Variants in NTN1 observed in about 807,000 individuals in gnomAD.
NTN1 encodes netrin-1.
NTN1 carries 11 observed loss-of-function variants against 54.2 expected under a neutral mutation model. The observed-to-expected ratio is 0.20, with a 90% CI of 0.13 to 0.34. NTN1 has a LOEUF of 0.34. Ranked by LOEUF, NTN1 falls within the 10% of genes least tolerant of loss-of-function variation. The pLI is 1.00. For missense variants in NTN1, 740 were observed against 893.1 expected (o/e 0.83, Z 2.18); for synonymous variants, 371 against 382.0 (o/e 0.97, Z 0.33).
chr17:9,238,264 G>A (rs1906061535), intron 6 of NTN1, among the ~76,000 whole-genome samples: 1 of 152,190 alleles, frequency 6.6e-6, no homozygotes. Flanking sequence ...TGTGGCTGCT[G>A]AAGCCACAGA....
chr17:9,195,192 A>ACCGCCCTC (rs3031881), intron 5 of NTN1, among the ~76,000 whole-genome samples: 30 of 142,520 alleles, frequency 2.1e-4, no homozygotes, highest in African/African-American at 7.6e-4. Flanking sequence ...GGCGAGCTCT[A>ACCGCCCTC]CCACCCCTCC....
Position 9,241,473 on chromosome 17 carries a change from C to G in NTN1, c.*1505C>G, listed in dbSNP as rs1046210026. 6.5e-6 allele frequency: 1 copy of G among 153,206 alleles called. No homozygotes were observed. The highest frequency in any genetic ancestry group is 2.4e-5 in the African/African-American group (1 of 41,466). 9.5% of individuals were successfully genotyped at this position (153,206 alleles called of 1,614,324 possible). A position where few individuals can be genotyped will look rare whatever the true frequency, so the allele number is the denominator to read the frequency against. On this transcript the variant is annotated 3_prime_UTR_variant, in exon 7 of 7. Transcript: ENST00000173229. ...CTGGCTCCCTGCCTTCCTGGGCTCTCTGCACTGCCCGGGCCTCTGGCCCAC... is the reference window on the plus strand; with the variant it reads ...CTGGCTCCCTGCCTTCCTGGGCTCTGTGCACTGCCCGGGCCTCTGGCCCAC...
intron 2 of NTN1, among the ~76,000 whole-genome samples, chr17:9,138,608 C>T (rs1245269380): frequency 6.6e-6 from 1 of 152,218 alleles, no homozygotes; most frequent in Non-Finnish European, 1.5e-5. Context: ...TCCATCAATC[C>T]GTCTGCACCT....
rs567874142 is a variant in NTN1 at position 9,159,436 on chromosome 17, T to C, written c.1019-3377T>C. On this transcript the variant is annotated intron_variant, in intron 2 of 6. Coordinates refer to ENST00000173229, the MANE Select transcript of NTN1 (RefSeq NM_004822.3). The stretch of plus-strand genomic sequence containing the variant: ...ACGTGGTGAAATAGGAGCTCTCATA[T>C]CCTGCTGGTAGGTGTATAAGCCAGT... Among the ~76,000 whole-genome samples, 18 of 152,320 alleles carry C rather than the reference T, an allele frequency of 1.2e-4. No homozygotes were observed. The East Asian group carries it at 3.5e-3, about 29-fold the overall frequency.
intron 5 of NTN1, among the ~76,000 whole-genome samples, chr17:9,191,798 G>T (rs996419134): frequency 2.5e-4 from 38 of 150,566 alleles, no homozygotes; most frequent in Non-Finnish European, 4.7e-4. Context: ...GAGGCCAACG[G>T]GGGAGGATCT....
chr17:9,065,497 C>T (rs2092012326), intron 2 of NTN1, among the ~76,000 whole-genome samples: 1 of 152,222 alleles, frequency 6.6e-6, no homozygotes, highest in East Asian at 1.9e-4. Flanking sequence ...GCACTGACCC[C>T]ACACACCCAT....
At chr17:9,101,986 CTG>C (rs1212549066) in intron 2 of NTN1, among the ~76,000 whole-genome samples, 1 of 152,180 alleles carries the variant, frequency 6.6e-6, no homozygotes, top group East Asian at 1.9e-4. Context: ...ACGAGAGAGA[CTG>C]TATCAACAAA....
chr17:9,036,671 TA>T (rs2091904524), intron 2 of NTN1, among the ~76,000 whole-genome samples: 1 of 152,110 alleles, frequency 6.6e-6, no homozygotes, highest in East Asian at 1.9e-4. Flanking sequence ...TTCTCTCCTG[TA>T]AAACGAGGGG....
At chr17:9,131,027 C>T (rs1380651528) in intron 2 of NTN1, among the ~76,000 whole-genome samples, 1 of 152,124 alleles carries the variant, frequency 6.6e-6, no homozygotes, top group Non-Finnish European at 1.5e-5. Context: ...TGTGTGTGTT[C>T]CAGTGATGGC....
At chr17:9,038,205 C>T (rs993279514) in intron 2 of NTN1, among the ~76,000 whole-genome samples, 6 of 105,172 alleles carry the variant, frequency 5.7e-5, no homozygotes, top group South Asian at 3.2e-4. Context: ...TTGTGTCTAT[C>T]GGACTCTCTC....
intron 5 of NTN1, among the ~76,000 whole-genome samples, chr17:9,216,824 T>C (rs902011830): frequency 4.6e-5 from 7 of 152,152 alleles, no homozygotes. Context: ...GGGTGGATCA[T>C]GAGGTCAGGA....
intron 5 of NTN1, among the ~76,000 whole-genome samples, chr17:9,210,438 CCACACCCA>C (rs920219453): frequency 1.4e-5 from 1 of 72,706 alleles, no homozygotes; most frequent in Non-Finnish European, 2.8e-5. Context: ...ACACACACCC[CCACACCCA>C]CACACACACA....
At chr17:9,196,678 TC>T (rs1264537756) in intron 5 of NTN1, among the ~76,000 whole-genome samples, 1 of 152,038 alleles carries the variant, frequency 6.6e-6, no homozygotes, top group Non-Finnish European at 1.5e-5. Context: ...CCCTCCCCAT[TC>T]CCCCCTCCAG....
intron 2 of NTN1, among the ~76,000 whole-genome samples, chr17:9,039,163 T>C (rs1242848234): frequency 1.3e-5 from 2 of 152,252 alleles, no homozygotes; most frequent in African/African-American, 2.4e-5. Context: ...ATCTGGTAGG[T>C]TCAGTATTCA....
intron 6 of NTN1, among the ~76,000 whole-genome samples, chr17:9,234,662 G>A (rs960928567): frequency 2.6e-5 from 4 of 152,226 alleles, no homozygotes; most frequent in Non-Finnish European, 2.9e-5. Context: ...TGGGAAGAGC[G>A]TACCCGCTCA....
intron 6 of NTN1, among the ~76,000 whole-genome samples, chr17:9,231,379 C>T (rs1226124297): frequency 2.6e-5 from 4 of 152,234 alleles, no homozygotes; most frequent in African/African-American, 9.6e-5. Context: ...TCAGTTCATC[C>T]GGCAGCGCTC....
chr17:9,227,563 TATCACACACACAC>T (rs1220056895), intron 6 of NTN1, among the ~76,000 whole-genome samples: 3 of 44,504 alleles, frequency 6.7e-5, no homozygotes, highest in African/African-American at 2.1e-4. Flanking sequence ...GCACACACAC[TATCACACACACAC>T]ATCACACACG....
intron 2 of NTN1, among the ~76,000 whole-genome samples, chr17:9,031,772 T>G (rs557180800): frequency 6.6e-6 from 1 of 151,906 alleles, no homozygotes; most frequent in African/African-American, 2.4e-5. Context: ...TGGTGAAACC[T>G]CATCTCTACT....
chr17:9,191,734 A>G (rs540087036), intron 5 of NTN1, among the ~76,000 whole-genome samples: 2 of 152,044 alleles, frequency 1.3e-5, no homozygotes, highest in Non-Finnish European at 1.5e-5. Context: ...TACTCTTTTA[A>G]AAGCTTATTA....
Sources: gnomAD v4.1 joint callset for allele counts (sites outside exome capture counted in the v4.1 genomes callset) on GRCh38, gnomAD v4.1.1 for gene constraint, MANE v1.5 for transcripts, NCBI Gene and HGNC (gene_info 2026-07-23, HGNC 2026-07-21) for gene names.